Variants in ANK1 observed in about 807,000 individuals in gnomAD.
ANK1 encodes the protein ankyrin-1.
In ANK1, 51 loss-of-function variants were observed where a neutral mutation model predicts 210.4. The observed-to-expected ratio is 0.24, with a 90% CI of 0.19 to 0.31. The LOEUF (loss-of-function observed/expected upper bound fraction) is 0.31, where lower values mean the gene tolerates loss of function less well. Among genes scored for constraint, ANK1 ranks in the 10% least tolerant of loss-of-function variants. ANK1 has a pLI of 1.00. For missense variants in ANK1, 2,051 were observed against 2,504.4 expected, an observed-to-expected ratio of 0.82 and a Z score of 3.86; for synonymous variants, 967 against 1,025.9, an observed-to-expected ratio of 0.94 and a Z score of 1.10.
chr8:41,729,000 G>A (rs185317187), intron 3 of ANK1, among the ~76,000 whole-genome samples: 32 of 152,336 alleles, frequency 2.1e-4, no homozygotes, highest in African/African-American at 7.0e-4. Context: ...CCATACCTTT[G>A]ACGCCATCCC....
intron 9 of ANK1, among the ~76,000 whole-genome samples, chr8:41,721,379 A>G (rs1829210193): frequency 6.6e-6 from 1 of 152,162 alleles, no homozygotes; most frequent in Non-Finnish European, 1.5e-5. Flanking sequence ...CAACCCTGCC[A>G]GGCACTGTAG....
chr8:41,662,256 CAA>C (rs11411870), intron 40 of ANK1, among the ~76,000 whole-genome samples: 2 of 139,720 alleles, frequency 1.4e-5, no homozygotes, highest in East Asian at 2.2e-4. Context: ...CACTCTGTGT[CAA>C]AAAAAAAAAG....
intron 1 of ANK1, among the ~76,000 whole-genome samples, chr8:41,767,719 G>A (rs1470988312): frequency 6.6e-6 from 1 of 152,070 alleles, no homozygotes; most frequent in Non-Finnish European, 1.5e-5. Context: ...CGGCGGGCTC[G>A]GGGCGGGCGT....
intron 1 of ANK1, chr8:41,789,202 TGTTGGCCTGA>T (rs1847096930): frequency 6.6e-6 from 1 of 152,260 alleles, no homozygotes; most frequent in South Asian, 2.1e-4. Context: ...CCATACTTTC[TGTTGGCCTGA>T]GTCAAAGGTG....
At chr8:41,672,994 G>T (rs1032467940) in intron 37 of ANK1, 82 bp from the exon 38 acceptor site, 5 of 1,393,410 alleles carry the variant, frequency 3.6e-6, no homozygotes, top group Non-Finnish European at 4.9e-6. Flanking sequence ...GCACACGCAC[G>T]AACACACACA....
intron 1 of ANK1, among the ~76,000 whole-genome samples, chr8:41,784,867 T>C (rs1000206910): frequency 1.3e-5 from 2 of 152,212 alleles, no homozygotes; most frequent in Non-Finnish European, 2.9e-5. Flanking sequence ...CAAATCAGCG[T>C]TTCTTGAAGG....
chr8:41,688,873 G>A (rs1818439414), intron 33 of ANK1, among the ~76,000 whole-genome samples: 1 of 152,232 alleles, frequency 6.6e-6, no homozygotes, highest in Non-Finnish European at 1.5e-5. Context: ...GGCAACCTAA[G>A]AGGTGGGTGC....
At chr8:41,803,035 A>AAGAG (rs1191789794) in intron 1 of ANK1, among the ~76,000 whole-genome samples, 3 of 87,032 alleles carry the variant, frequency 3.4e-5, no homozygotes, top group Non-Finnish European at 7.2e-5. Context: ...GAAAGAAAGA[A>AAGAG]AGAAAGAGAA....
At chr8:41,802,287 AC>A (rs1850003948), upstream of ANK1, among the ~76,000 whole-genome samples, 1 of 152,078 alleles carries the variant, frequency 6.6e-6, no homozygotes, top group Non-Finnish European at 1.5e-5. Context: ...ACCACGCCCG[AC>A]CTATAGTTTT....
At chr8:41,842,841 G>T (rs1304491283) in intron 1 of ANK1, among the ~76,000 whole-genome samples, 3 of 152,002 alleles carry the variant, frequency 2.0e-5, no homozygotes, top group Non-Finnish European at 4.4e-5. Context: ...ATTTTTGGGG[G>T]GTTGTTCATT....
At chr8:41,891,101 C>T (rs1291491741) in intron 1 of ANK1, among the ~76,000 whole-genome samples, 1 of 152,090 alleles carries the variant, frequency 6.6e-6, no homozygotes, top group Non-Finnish European at 1.5e-5. Context: ...TTGCAGGCGA[C>T]AGTGTTGGGC....
In ANK1 at chr8:41,694,929, TAGTGGCCAGAAGA is replaced by T. The variant is rs995793307; in HGVS notation, c.3116-139_3116-127del. ...CACCCTCCCCAGGTGCCGGGCGGCA[TAGTGGCCAGAAGA>T]AGTGGCCAGAAGAAGTGCCCAGGCC... On this transcript the variant is annotated intron_variant, in intron 27 of 42. Transcript: ENST00000289734. This position sits in a 1 kb window ranked among gnomAD's most constrained non-coding sequence, Gnocchi z 5.7. The T allele has an allele frequency of 7.4e-5, 85 of 1,150,592 alleles. No homozygotes were observed. The Admixed American group carries it at 8.7e-4, about 12-fold the overall frequency. The allele number at this position is 1,150,592 out of a possible 1,614,324, so 71.3% of individuals were successfully genotyped here.
At chr8:41,778,949 A>G (rs1428522381) in intron 1 of ANK1, among the ~76,000 whole-genome samples, 2 of 152,198 alleles carry the variant, frequency 1.3e-5, no homozygotes, top group African/African-American at 4.8e-5. Flanking sequence ...GAGCAGTAAG[A>G]TCTATTTATC....
intron 1 of ANK1, among the ~76,000 whole-genome samples, chr8:41,825,720 G>T (rs1805249618): frequency 6.6e-6 from 1 of 152,186 alleles, no homozygotes; most frequent in African/African-American, 2.4e-5. Context: ...CCCACATGTT[G>T]TGGGAGGGAC....
intron 1 of ANK1, among the ~76,000 whole-genome samples, chr8:41,770,991 C>G (rs1309437654): frequency 6.6e-6 from 1 of 152,202 alleles, no homozygotes; most frequent in Non-Finnish European, 1.5e-5. Flanking sequence ...AGTCCCTCTC[C>G]CTTGCTTTCC....
At chr8:41,874,028 A>G (rs1816089714) in intron 1 of ANK1, among the ~76,000 whole-genome samples, 1 of 152,238 alleles carries the variant, frequency 6.6e-6, no homozygotes, top group Non-Finnish European at 1.5e-5. Context: ...AGGTACACAC[A>G]CAAGCACACA....
intron 1 of ANK1, among the ~76,000 whole-genome samples, chr8:41,772,282 T>C (rs1305714578): frequency 6.6e-6 from 1 of 152,220 alleles, no homozygotes; most frequent in Non-Finnish European, 1.5e-5. Flanking sequence ...ATAAAGGAAA[T>C]GACTTTTCTG....
intron 2 of ANK1, among the ~76,000 whole-genome samples, chr8:41,756,170 T>C (rs888140274): frequency 1.1e-4 from 17 of 152,210 alleles, no homozygotes; most frequent in African/African-American, 4.1e-4. Context: ...TAAGACAGAG[T>C]TTCACTCTGT....
intron 24 of ANK1, 63 bp from the exon 25 acceptor site, chr8:41,696,836 G>C: frequency 6.8e-7 from 1 of 1,475,442 alleles, no homozygotes; most frequent in Non-Finnish European, 9.3e-7. Flanking sequence ...TGCCGTGCCA[G>C]GGCGTGGAGG....
Sources: allele counts gnomAD v4.1 joint callset (sites outside exome capture counted in the v4.1 genomes callset), GRCh38; gene constraint gnomAD v4.1.1; non-coding constraint Gnocchi (gnomAD v3.1); transcripts MANE v1.5; gene names NCBI Gene and HGNC (gene_info 2026-07-23, HGNC 2026-07-21).